Variants in DCC observed in about 807,000 individuals in gnomAD.
The protein encoded by DCC is DCC netrin 1 receptor.
In DCC, 58 loss-of-function variants were observed where a neutral mutation model predicts 172.5. The observed-to-expected ratio is 0.34, with a 90% CI of 0.27 to 0.42. DCC has a LOEUF of 0.42. DCC is among the 10% of genes least tolerant of loss of function. The pLI is 1.00. For missense variants in DCC, 1,740 were observed against 1,791.0 expected, an observed-to-expected ratio of 0.97 and a Z score of 0.51; for synonymous variants, 709 against 644.5, an observed-to-expected ratio of 1.10 and a Z score of -1.52.
chr18:53,023,920 T>C (rs1307403610), intron 5 of DCC, among the ~76,000 whole-genome samples: 1 of 152,120 alleles, frequency 6.6e-6, no homozygotes, highest in African/African-American at 2.4e-5. Flanking sequence ...AGTGGAATTA[T>C]TTTATTTCTA....
At chr18:53,482,739 T>C (rs2045849150) in intron 25 of DCC, among the ~76,000 whole-genome samples, 1 of 151,932 alleles carries the variant, frequency 6.6e-6, no homozygotes, top group African/African-American at 2.4e-5. Flanking sequence ...AAAGTATCAA[T>C]ACTGGGAATG....
At chr18:52,853,908 A>G (rs1211528394) in intron 2 of DCC, among the ~76,000 whole-genome samples, 1 of 152,168 alleles carries the variant, frequency 6.6e-6, no homozygotes, top group Non-Finnish European at 1.5e-5. Context: ...AAATGAGGAG[A>G]GGCAGGAGTC....
chr18:53,002,003 A>G (rs781115425), intron 5 of DCC, among the ~76,000 whole-genome samples: 1 of 152,126 alleles, frequency 6.6e-6, no homozygotes, highest in African/African-American at 2.4e-5. Context: ...CTGTAACTCA[A>G]ATAGAAAAGG....
intron 2 of DCC, among the ~76,000 whole-genome samples, chr18:52,776,791 T>C (rs552862379): frequency 6.6e-6 from 1 of 152,374 alleles, no homozygotes; most frequent in African/African-American, 2.4e-5. Context: ...ATGTTCCTTA[T>C]TACTTTGAGA....
chr18:53,461,021 C>A (rs2045552320), intron 24 of DCC, among the ~76,000 whole-genome samples: 3 of 152,188 alleles, frequency 2.0e-5, no homozygotes, highest in Admixed American at 1.3e-4. Flanking sequence ...TTGCATTTCT[C>A]TGATGGCCAG....
intron 1 of DCC, among the ~76,000 whole-genome samples, chr18:52,513,521 C>T (rs1193901695): frequency 6.6e-6 from 1 of 152,086 alleles, no homozygotes; most frequent in African/African-American, 2.4e-5. Context: ...TTCAAACAAA[C>T]CTATAAGTAT....
intron 15 of DCC, among the ~76,000 whole-genome samples, chr18:53,348,656 T>C (rs2057752718): frequency 6.6e-6 from 1 of 152,134 alleles, no homozygotes; most frequent in African/African-American, 2.4e-5. Context: ...TGCCTGGACA[T>C]CCAGGTTCCC....
intron 7 of DCC, among the ~76,000 whole-genome samples, chr18:53,088,196 T>C (rs1490920313): frequency 6.6e-6 from 1 of 152,224 alleles, no homozygotes; most frequent in Non-Finnish European, 1.5e-5. Flanking sequence ...CCTTGGGCAG[T>C]ATGGCCATTT....
At chr18:53,111,164 T>C (rs1232187507) in intron 7 of DCC, among the ~76,000 whole-genome samples, 4 of 147,812 alleles carry the variant, frequency 2.7e-5, no homozygotes, top group African/African-American at 1.0e-4. Context: ...AAACCAAACA[T>C]CGCATGTTCT....
At chr18:52,781,765 T>C (rs2037549080) in intron 2 of DCC, among the ~76,000 whole-genome samples, 1 of 152,092 alleles carries the variant, frequency 6.6e-6, no homozygotes, top group African/African-American at 2.4e-5. Flanking sequence ...TATTCTATTT[T>C]AGTCTTAAAA....
At chr18:52,464,354 G>A (rs996986741) in intron 1 of DCC, among the ~76,000 whole-genome samples, 1 of 152,110 alleles carries the variant, frequency 6.6e-6, no homozygotes, top group Non-Finnish European at 1.5e-5. Flanking sequence ...AAAGTATGTG[G>A]TTTAGTTCCC....
At chr18:52,711,217 C>T (rs1378520956) in intron 1 of DCC, among the ~76,000 whole-genome samples, 1 of 151,784 alleles carries the variant, frequency 6.6e-6, no homozygotes, top group Non-Finnish European at 1.5e-5. Context: ...AGGATGAGAC[C>T]TTGTTTATTT....
rs374309678 is a variant in DCC, at chr18:53,106,332, G to A, written c.1261+40166G>A. Among the ~76,000 whole-genome samples, 59 of 151,950 alleles carry A rather than the reference G, an allele frequency of 3.9e-4. No individual in the cohort carries two copies. In the East Asian group the frequency reaches 7.4e-3, roughly 19 times the overall value. On this transcript the variant is annotated intron_variant, in intron 7 of 28. Transcript: ENST00000442544. ...TCTGCCATGTGCTTGGTTCTTGCTC[G>A]CATTTGGGACTCATTTGCTTACTTG...
chr18:52,580,548 G>A (rs964146935), intron 1 of DCC, among the ~76,000 whole-genome samples: 4 of 152,126 alleles, frequency 2.6e-5, no homozygotes, highest in African/African-American at 9.7e-5. Flanking sequence ...CATCTCTACT[G>A]CAGTATTTAT....
At chr18:52,653,832 C>T (rs1300471514) in intron 1 of DCC, among the ~76,000 whole-genome samples, 3 of 152,138 alleles carry the variant, frequency 2.0e-5, no homozygotes, top group African/African-American at 7.2e-5. Flanking sequence ...AGTAGCTTTG[C>T]TTCACTTTTG....
At position 53,499,427 on chromosome 18, in the gene DCC, G is replaced by T. The variant is rs149118168; in HGVS notation, c.4028G>T (p.Arg1343Leu). ...TGTGTTCGACCAACTCACCCACTCCGCAGCTTTGCTAATCCTTTGCTACCT... is the reference window on the plus strand; with the variant it reads ...TGTGTTCGACCAACTCACCCACTCCTCAGCTTTGCTAATCCTTTGCTACCT... ...TACVRPTHPL[R>L]SFANPLLPPP... is the part of the protein sequence containing the mutation. The change falls in exon 27 of 29, where the codon CGC becomes CTC. Residue 1343 changes from arginine to leucine, a missense_variant. Coordinates refer to ENST00000442544, the MANE Select transcript of DCC (RefSeq NM_005215.4). 40 of 1,613,926 alleles carry T rather than the reference G, an allele frequency of 2.5e-5. No individual in the cohort carries two copies. The Admixed American group carries it at 6.7e-4, about 27-fold the overall frequency.
At chr18:52,487,810 CAAAAAAAAAA>C (rs5824940) in intron 1 of DCC, among the ~76,000 whole-genome samples, 3 of 74,400 alleles carry the variant, frequency 4.0e-5, no homozygotes, top group Admixed American at 2.2e-4. Context: ...GACTCCACCT[CAAAAAAAAAA>C]AAAAAAAAAA....
chr18:52,341,510 T>A (rs940213299), intron 1 of DCC, among the ~76,000 whole-genome samples: 1 of 152,124 alleles, frequency 6.6e-6, no homozygotes, highest in African/African-American at 2.4e-5. Context: ...TAACGGTGAA[T>A]GTAGTTCGCA....
At chr18:52,385,385 C>T (rs1598772956) in intron 1 of DCC, among the ~76,000 whole-genome samples, 2 of 151,766 alleles carry the variant, frequency 1.3e-5, no homozygotes, top group South Asian at 2.1e-4. Context: ...AAGCAATTCT[C>T]CTGCCTCAGT....
Sources: allele counts gnomAD v4.1 joint callset (sites outside exome capture counted in the v4.1 genomes callset), GRCh38; gene constraint gnomAD v4.1.1; transcripts MANE v1.5; gene names NCBI Gene and HGNC (gene_info 2026-07-23, HGNC 2026-07-21).